Variants in PTPRD observed in about 807,000 individuals in gnomAD.
PTPRD encodes the protein protein tyrosine phosphatase receptor type D.
In PTPRD, 34 loss-of-function variants were observed where a neutral mutation model predicts 214.5. The observed-to-expected ratio is 0.16, with a 90% confidence interval of 0.12 to 0.21. The LOEUF (loss-of-function observed/expected upper bound fraction) is 0.21. Among genes scored for constraint, PTPRD ranks in the 10% least tolerant of loss-of-function variants. The pLI is 1.00. For synonymous variants in PTPRD, 1,128 were observed against 845.7 expected (o/e 1.33, Z -5.79); for missense variants, 2,545 against 2,398.7 (o/e 1.06, Z -1.27).
At chr9:10,186,668 G>A (rs916076778) in intron 3 of PTPRD, among the ~76,000 whole-genome samples, 18 of 151,922 alleles carry the variant, frequency 1.2e-4, no homozygotes, top group African/African-American at 3.6e-4. Flanking sequence ...ATGCAGTATC[G>A]GGAATTACTA....
At chr9:8,479,353 C>T (rs1038695125) in intron 30 of PTPRD, among the ~76,000 whole-genome samples, 2 of 152,136 alleles carry the variant, frequency 1.3e-5, no homozygotes, top group Non-Finnish European at 2.9e-5. Flanking sequence ...ATTTCTTCCC[C>T]AAAGTGGCTG....
At chr9:8,976,617 T>C (rs2099269354) in intron 11 of PTPRD, among the ~76,000 whole-genome samples, 4 of 152,162 alleles carry the variant, frequency 2.6e-5, no homozygotes, top group Admixed American at 1.3e-4. Context: ...AAAAGTTTTG[T>C]CTAATTCAAT....
chr9:8,815,724 A>G (rs892062387), intron 11 of PTPRD, among the ~76,000 whole-genome samples: 2 of 152,146 alleles, frequency 1.3e-5, no homozygotes, highest in Admixed American at 6.5e-5. Flanking sequence ...TATAACTGGT[A>G]CCAACAGTGT....
At chr9:10,586,350 T>C (rs770424592) in intron 2 of PTPRD, among the ~76,000 whole-genome samples, 3 of 151,952 alleles carry the variant, frequency 2.0e-5, no homozygotes, top group Non-Finnish European at 2.9e-5. Context: ...GAAAGAATAC[T>C]AAATATAGAC....
At chr9:8,619,547 A>G (rs1276230004) in intron 14 of PTPRD, among the ~76,000 whole-genome samples, 2 of 152,058 alleles carry the variant, frequency 1.3e-5, no homozygotes, top group African/African-American at 2.4e-5. Flanking sequence ...TACCCTCTTA[A>G]CTAGCCTTTC....
chr9:9,453,542 G>A (rs1175962957), intron 8 of PTPRD, among the ~76,000 whole-genome samples: 2 of 151,484 alleles, frequency 1.3e-5, no homozygotes, highest in East Asian at 1.9e-4. Flanking sequence ...ACAGTCTAAG[G>A]GGATTCTTAT....
intron 3 of PTPRD, among the ~76,000 whole-genome samples, chr9:10,262,498 C>G (rs1163622167): frequency 6.6e-6 from 1 of 152,122 alleles, no homozygotes. Context: ...GGTCTGAAAT[C>G]CAAGTTCATG....
At chr9:9,218,906 A>T (rs1339799674) in intron 9 of PTPRD, among the ~76,000 whole-genome samples, 1 of 152,232 alleles carries the variant, frequency 6.6e-6, no homozygotes. Context: ...TTCCTTAAAT[A>T]TAAGAAGCCA....
At chr9:9,400,294 G>C (rs2069769864) in intron 8 of PTPRD, among the ~76,000 whole-genome samples, 1 of 151,690 alleles carries the variant, frequency 6.6e-6, no homozygotes, top group Admixed American at 6.6e-5. Context: ...TACTCAAATG[G>C]TAACCAAAAT....
intron 10 of PTPRD, among the ~76,000 whole-genome samples, chr9:9,128,488 A>G (rs1312930191): frequency 6.6e-6 from 1 of 152,170 alleles, no homozygotes; most frequent in African/African-American, 2.4e-5. Flanking sequence ...TAATAACATC[A>G]TGGCCCATTA....
rs1211537912 is a variant in PTPRD at position 8,436,620 on chromosome 9, T to C, written c.4058A>G (p.Asp1353Gly). Residue 1353 changes from aspartate (D) to glycine (G), a missense_variant, in exon 35 of 46, where the codon GAC (aspartate) becomes GGC (glycine). By Grantham distance (94) the Asp-to-Gly change is moderately conservative. Transcript: ENST00000381196. ...ATATTCCTGGGAAAACTTCAAGTTGTCATTTGCTTTCAATCTTTCAATGTG... is the reference window on the plus strand; with the variant it reads ...ATATTCCTGGGAAAACTTCAAGTTGCCATTTGCTTTCAATCTTTCAATGTG... ...ADHIERLKAN[D>G]NLKFSQEYES... is the part of the protein sequence containing the mutation. 6.2e-7 allele frequency: 1 copy of C among 1,613,468 alleles called. No individual in the cohort carries two copies. Among genetic ancestry groups the C allele is most frequent in the African/African-American group, 1.3e-5 (1 of 75,036 alleles).
intron 7 of PTPRD, among the ~76,000 whole-genome samples, chr9:9,621,752 G>C (rs1233504750): frequency 6.6e-6 from 1 of 152,130 alleles, no homozygotes; most frequent in Non-Finnish European, 1.5e-5. Context: ...CTGGGCTGGG[G>C]TGATTTTTAG....
chr9:9,826,956 G>A (rs573680036), intron 5 of PTPRD, among the ~76,000 whole-genome samples: 32 of 152,120 alleles, frequency 2.1e-4, no homozygotes, highest in Middle Eastern at 3.4e-3. Context: ...GGGATGTGAA[G>A]GACCTCTTCA....
At chr9:8,928,947 G>C (rs1013804128) in intron 11 of PTPRD, among the ~76,000 whole-genome samples, 7 of 152,034 alleles carry the variant, frequency 4.6e-5, no homozygotes, top group African/African-American at 1.4e-4. Context: ...TATTCTCTTT[G>C]TAGCAATTGT....
intron 3 of PTPRD, among the ~76,000 whole-genome samples, chr9:10,292,987 T>C (rs1001489322): frequency 6.6e-6 from 1 of 152,116 alleles, no homozygotes. Flanking sequence ...CAGTAAAATG[T>C]TCATTCAATA....
chr9:10,490,550 G>A (rs1589333510), intron 2 of PTPRD, among the ~76,000 whole-genome samples: 1 of 152,034 alleles, frequency 6.6e-6, no homozygotes, highest in South Asian at 2.1e-4. Context: ...TCAGCCTAAA[G>A]CATTTTTGAC....
chr9:8,815,061 AATTGTCATATCTCACATTTAAAG>A (rs1311672101), intron 11 of PTPRD, among the ~76,000 whole-genome samples: 1 of 152,242 alleles, frequency 6.6e-6, no homozygotes, highest in East Asian at 1.9e-4. Context: ...AGTGGACAAG[AATTGTCATATCTCACATTTAAAG>A]GTGACATCAC....
At chr9:9,256,680 T>A (rs2099977850) in intron 9 of PTPRD, among the ~76,000 whole-genome samples, 1 of 151,968 alleles carries the variant, frequency 6.6e-6, no homozygotes, top group Non-Finnish European at 1.5e-5. Context: ...TTTCTTTCTA[T>A]TATAAGAGAT....
Position 8,611,982 on chromosome 9 carries a change from G to A in PTPRD, c.352+21335C>T, listed in dbSNP as rs1441539137. ...AAGAAAACAAAAGAGGGGAGGGGAGGGGAGGGGAGGGTTTGGGAGGGGAGG... is the reference window on the plus strand; with the variant it reads ...AAGAAAACAAAAGAGGGGAGGGGAGAGGAGGGGAGGGTTTGGGAGGGGAGG... On this transcript the variant is annotated intron_variant, in intron 14 of 45. Coordinates refer to ENST00000381196, the MANE Select transcript of PTPRD (RefSeq NM_002839.4). Among the ~76,000 whole-genome samples, 15 of 129,710 alleles carry A rather than the reference G, an allele frequency of 1.2e-4. 1 individual carries two copies. Among genetic ancestry groups the A allele is most frequent in the Admixed American group, 1.0e-3 (13 of 12,414 alleles). The allele number at this position is 129,710 out of a possible 152,430, so 85.1% of individuals were successfully genotyped here.
Sources: allele counts gnomAD v4.1 joint callset (sites outside exome capture counted in the v4.1 genomes callset), GRCh38; gene constraint gnomAD v4.1.1; transcripts MANE v1.5; gene names NCBI Gene and HGNC (gene_info 2026-07-23, HGNC 2026-07-21).